DOCK6: variants seen among roughly 807,000 people sequenced by gnomAD.
DOCK6 encodes dedicator of cytokinesis protein 6.
Under a neutral mutation model 230.3 loss-of-function variants are expected in DOCK6, and 167 were observed. That is an observed-to-expected ratio of 0.73 (90% CI 0.64 to 0.82). The LOEUF is 0.82. Ranked by LOEUF, DOCK6 falls within the 40% of genes least tolerant of loss-of-function variation. The pLI is 0.00. For synonymous variants in DOCK6, 1,148 were observed against 1,185.0 expected (o/e 0.97, Z 0.64); for missense variants, 2,598 against 2,825.8 (o/e 0.92, Z 1.83).
At position 11,212,055 on chromosome 19, in the gene DOCK6, T is replaced by C; in HGVS notation, c.4588A>G (p.Lys1530Glu). ...FSEEHLRRSL[K>E]TILTYAEEDM... Reference sequence around the variant, plus strand: ...TCCTCAGCATAGGTGAGGATGGTTTTGAGTGAACGTCGCAGGTGCTCTTCA... The same window carrying C: ...TCCTCAGCATAGGTGAGGATGGTTTCGAGTGAACGTCGCAGGTGCTCTTCA... The change falls in exon 36 of 48, where the codon AAA becomes GAA. Residue 1530 changes from lysine (K) to glutamate (E), a missense_variant. Transcript: ENST00000294618. The C allele has an allele frequency of 6.2e-7, 1 of 1,611,124 alleles. No homozygotes were observed. The highest frequency in any genetic ancestry group is 2.2e-5 in the East Asian group (1 of 44,812).
chr19:11,217,202 T>A, intron 29 of DOCK6, 29 bp downstream of exon 29: 1 of 1,606,848 alleles, frequency 6.2e-7, no homozygotes, highest in Non-Finnish European at 8.5e-7. Context: ...AAGTGGATGA[T>A]GTCTATGGGG....
chr19:11,214,744 G>GT, intron 32 of DOCK6, 95 bp from the exon 33 acceptor site: 2 of 1,066,994 alleles, frequency 1.9e-6, no homozygotes, highest in African/African-American at 1.6e-5. Context: ...AGGGGGCACT[G>GT]GCTCCCTGGA....
rs1195699618 is a variant in DOCK6, at chr19:11,236,735, C to T, written c.2160+58G>A. 16 of 1,545,162 alleles carry T rather than the reference C, an allele frequency of 1.0e-5. No homozygotes were observed. In the East Asian group the frequency reaches 1.2e-4, roughly 12 times the overall value. On this transcript the variant is annotated intron_variant, in intron 19 of 47. Transcript: ENST00000294618. This position sits in a 1 kb window ranked among gnomAD's most constrained non-coding sequence, Gnocchi z 5.2. ...CGGCCATCGGCAACTGTTACTCAAT[C>T]GTAGGGCAGGCAAGAGGGGAGCAGG...
At chr19:11,251,981 C>T in intron 5 of DOCK6, 138 bp downstream of exon 5, 1 of 1,315,030 alleles carries the variant, frequency 7.6e-7, no homozygotes, top group South Asian at 1.3e-5. Context: ...TGACCCCTAA[C>T]TTTTTACTCA....
chr19:11,203,790 T>G, intron 41 of DOCK6: 1 of 536,236 alleles, frequency 1.9e-6, no homozygotes, highest in African/African-American at 2.0e-5. Context: ...GAGTCAAGAG[T>G]CACCCCGCCA....
rs1483866034 is a variant in DOCK6, at chr19:11,204,955, C to T, written c.5089-624G>A. Among the ~76,000 whole-genome samples, 3 of 152,134 alleles carry T rather than the reference C, an allele frequency of 2.0e-5. No individual in the cohort carries two copies. The East Asian group carries it at 5.8e-4, about 29-fold the overall frequency. ...GAAGCAGTTTTTTTTTCCTATTCCT[C>T]AAAGAGGAAAGTGAGTCTCAGAGAC... On this transcript the variant is annotated intron_variant, in intron 39 of 47. Transcript: ENST00000294618.
In DOCK6 at chr19:11,228,984, G is replaced by A. The variant is rs200376218; in HGVS notation, c.2770C>T (p.Arg924Cys). The A allele has an allele frequency of 2.4e-5, 38 of 1,613,558 alleles. No individual in the cohort carries two copies. Among genetic ancestry groups the A allele is most frequent in the African/African-American group, 6.7e-5 (5 of 74,876 alleles). The change falls in exon 23 of 48, where the codon CGC becomes TGC. Residue 924 changes from arginine to cysteine, a missense_variant. By Grantham distance (180) the Arg-to-Cys change is radical. Coordinates refer to ENST00000294618, the MANE Select transcript of DOCK6 (RefSeq NM_020812.4). ...CAGGCGTGCTGGAGGATGGCCTCGC[G>A]TACGGCACTGCTGCTGACCACCCAC... is the stretch of plus-strand genomic sequence containing the variant. Reference protein sequence around the residue: ...LQWVVSSSAVREAILQHAWFF... With the variant: ...LQWVVSSSAVCEAILQHAWFF...
At chr19:11,220,844 A>AGC (rs2079567409) in intron 28 of DOCK6, among the ~76,000 whole-genome samples, 1 of 127,826 alleles carries the variant, frequency 7.8e-6, no homozygotes, top group East Asian at 2.2e-4. Context: ...TTTTTTTTTG[A>AGC]GACGGAGTCT....
intron 3 of DOCK6, 49 bp from the exon 4 acceptor site, chr19:11,252,599 CCTT>C (rs1568265098): frequency 1.9e-6 from 3 of 1,611,464 alleles, no homozygotes; most frequent in Admixed American, 3.3e-5. Context: ...CTCTGTGAAT[CCTT>C]CTGCTAGCCT....
chr19:11,218,527 A>G (rs1368985400), intron 28 of DOCK6, among the ~76,000 whole-genome samples: 4 of 152,056 alleles, frequency 2.6e-5, no homozygotes, highest in Non-Finnish European at 5.9e-5. Flanking sequence ...GGCTTACTGC[A>G]GCCTCAACCT....
At position 11,248,169 on chromosome 19, in the gene DOCK6, T is replaced by C; in HGVS notation, c.721-18A>G. On this transcript the variant is annotated intron_variant, in intron 6 of 47. Coordinates refer to ENST00000294618, the MANE Select transcript of DOCK6 (RefSeq NM_020812.4). ...GCTTCATCCTGCCAAGAGTGGGGGG[T>C]GGGAGCTGGGCGGGAGGAGCTGGGA... 2.9e-6 allele frequency: 3 copies of C among 1,023,174 alleles called. No individual in the cohort carries two copies. Among genetic ancestry groups the C allele is most frequent in the Non-Finnish European group, 4.4e-6 (3 of 680,336 alleles). The allele number at this position is 1,023,174 out of a possible 1,614,324, so 63.4% of individuals were successfully genotyped here.
chr19:11,200,267 C>T lies in DOCK6; in HGVS notation c.6101+41G>A. 1 of 1,537,440 alleles carries T rather than the reference C, an allele frequency of 6.5e-7. No homozygotes were observed. Among genetic ancestry groups the T allele is most frequent in the Non-Finnish European group, 8.8e-7 (1 of 1,139,548 alleles). On this transcript the variant is annotated intron_variant, in intron 47 of 47. Coordinates refer to ENST00000294618, the MANE Select transcript of DOCK6 (RefSeq NM_020812.4). This position sits in a 1 kb window ranked among gnomAD's most constrained non-coding sequence, Gnocchi z 4.3. ...TACCTGTCCTGGTCTGCCTCTGCATCCCCTCTCTAGTCTCTAGGATGGGGG... is the reference window on the plus strand; with the variant it reads ...TACCTGTCCTGGTCTGCCTCTGCATTCCCTCTCTAGTCTCTAGGATGGGGG...
chr19:11,221,962 C>T lies in DOCK6; in HGVS notation c.3439G>A (p.Asp1147Asn), dbSNP rs200787152. The T allele has an allele frequency of 2.1e-5, 34 of 1,613,900 alleles. No individual in the cohort carries two copies. The East Asian group carries it at 7.1e-4, about 34-fold the overall frequency. The change falls in exon 28 of 48, where the codon GAC becomes AAC. Residue 1147 changes from aspartate (D) to asparagine (N), a missense_variant. Physicochemically the swap from Asp to Asn is conservative, Grantham distance 23. Coordinates refer to ENST00000294618, the MANE Select transcript of DOCK6 (RefSeq NM_020812.4). ...SAVHSLLCGH[D>N]TDPRYAEATV... ...GCCTCGGCGTAGCGGGGGTCAGTGTCATGGCCACATAGCAGGCTGTGCACA... is the reference window on the plus strand; with the variant it reads ...GCCTCGGCGTAGCGGGGGTCAGTGTTATGGCCACATAGCAGGCTGTGCACA...
chr19:11,204,646 G>A (rs1412431695), intron 39 of DOCK6, among the ~76,000 whole-genome samples: 1 of 151,816 alleles, frequency 6.6e-6, no homozygotes, highest in Non-Finnish European at 1.5e-5. Context: ...CTCAAGAGAT[G>A]CTCCCACCCT....
In DOCK6 at chr19:11,202,701, G is replaced by A. The variant is rs1227377410; in HGVS notation, c.5244C>T (p.Phe1748=). 2.5e-6 allele frequency: 4 copies of A among 1,613,880 alleles called. No homozygotes were observed. Among genetic ancestry groups the A allele is most frequent in the Middle Eastern group, 1.6e-4 (1 of 6,062 alleles). Residue 1748 remains phenylalanine (F), a synonymous_variant, in exon 42 of 48, where the codon TTC becomes TTT. Coordinates refer to ENST00000294618, the MANE Select transcript of DOCK6 (RefSeq NM_020812.4). The surrounding 1 kb of genome is among the most constrained non-coding windows in gnomAD (Gnocchi z 5.3). ...MHQSSGWERV[F]GTYFRVGFYG... ...AGAAGCCCACGCGGAAATACGTCCC[G>A]AACACGCGCTGGGGCTGTGAGAAAG...
At position 11,235,626 on chromosome 19, in the gene DOCK6, A is replaced by T. The variant is rs900183900; in HGVS notation, c.2526T>A (p.Leu842=). 1.2e-6 allele frequency: 2 copies of T among 1,600,870 alleles called. No individual in the cohort carries two copies. The highest frequency in any genetic ancestry group is 1.7e-6 in the Non-Finnish European group (2 of 1,172,902). The change falls in exon 21 of 48, where the codon CTT becomes CTA. Residue 842 remains leucine (L), a synonymous_variant. Coordinates refer to ENST00000294618, the MANE Select transcript of DOCK6 (RefSeq NM_020812.4). ...LAAYVHYAFR[L]PGTEPSLPDG... ...CCGGGAGGCTGGGCTCAGTGCCAGG[A>T]AGGCGAAAGGCGTAGTGGACGTAGG...
chr19:11,214,717 C>T, intron 32 of DOCK6, 68 bp from the exon 33 acceptor site: 1 of 1,487,352 alleles, frequency 6.7e-7, no homozygotes, highest in Non-Finnish European at 9.3e-7. Context: ...TGAGCTCTCT[C>T]CTTCCCCTGG....
intron 14 of DOCK6, 191 bp from the exon 15 acceptor site, chr19:11,238,495 G>A: frequency 1.7e-6 from 1 of 596,716 alleles, no homozygotes; most frequent in Non-Finnish European, 3.0e-6. Context: ...AGGGCAGAGG[G>A]TGGGGGACAA....
rs1568239162 is a variant in DOCK6 at position 11,227,581 on chromosome 19, A to AAGGG, written c.2815-105_2815-104insCCCT. Reference sequence around the variant, plus strand: ...AAGGGCTGTGGGTGGGGCTTGAAGGACTGTGGGTGGGGCTTGAAGGGCTGT... The same window carrying AAGGG: ...AAGGGCTGTGGGTGGGGCTTGAAGGAAGGGCTGTGGGTGGGGCTTGAAGGGCTGT... On this transcript the variant is annotated intron_variant, in intron 23 of 47. Coordinates refer to ENST00000294618, the MANE Select transcript of DOCK6 (RefSeq NM_020812.4). The AAGGG allele has an allele frequency of 3.2e-5, 39 of 1,206,608 alleles. No homozygotes were observed. The African/African-American group carries it at 6.2e-4, about 19-fold the overall frequency. The allele number at this position is 1,206,608 out of a possible 1,614,324, so 74.7% of individuals were successfully genotyped here. A position where few individuals can be genotyped will look rare whatever the true frequency, so the allele number is the denominator to read the frequency against.
Sources: allele counts gnomAD v4.1 joint callset (sites outside exome capture counted in the v4.1 genomes callset), GRCh38; gene constraint gnomAD v4.1.1; non-coding constraint Gnocchi (gnomAD v3.1); transcripts MANE v1.5; gene names NCBI Gene and HGNC (gene_info 2026-07-23, HGNC 2026-07-21).